The following FHIT variants were observed in gnomAD, a reference collection of about 807,000 sequenced individuals.
FHIT encodes the protein bis(5'-adenosyl)-triphosphatase.
In FHIT, 19 loss-of-function variants were observed where a neutral mutation model predicts 17.9. That is an observed-to-expected ratio of 1.06 (90% confidence interval 0.74 to 1.56). FHIT has a LOEUF of 1.56. Among genes scored for constraint, FHIT ranks in the 40% most tolerant of loss-of-function variants. FHIT has a pLI of 0.00. For synonymous variants in FHIT, 81 were observed against 69.7 expected, an observed-to-expected ratio of 1.16 and a Z score of -0.81; for missense variants, 248 against 189.2, an observed-to-expected ratio of 1.31 and a Z score of -1.82.
intron 3 of FHIT, among the ~76,000 whole-genome samples, chr3:61,037,838 A>G (rs1462713012): frequency 1.3e-5 from 2 of 152,226 alleles, no homozygotes; most frequent in Non-Finnish European, 2.9e-5. Flanking sequence ...CATGAGACAA[A>G]TACATTTCTA....
chr3:60,515,650 G>A lies in FHIT; in HGVS notation c.103+21210C>T, dbSNP rs185028473. Among the ~76,000 whole-genome samples the A allele has an allele frequency of 9.6e-4, 145 of 151,624 alleles. 1 individual carries two copies. The highest frequency in any genetic ancestry group is 3.3e-3 in the African/African-American group (138 of 41,348). The stretch of plus-strand genomic sequence containing the variant: ...CTTGTAGAACACAAAAATCACATTA[G>A]ACTCTTCTATAATTCTCATAACAAT... On this transcript the variant is annotated intron_variant, in intron 5 of 9. Transcript: ENST00000492590.
At chr3:61,080,589 G>A (rs908114713) in intron 2 of FHIT, among the ~76,000 whole-genome samples, 2 of 152,164 alleles carry the variant, frequency 1.3e-5, no homozygotes, top group African/African-American at 4.8e-5. Flanking sequence ...GTGCACTAAT[G>A]AGTACATTTA....
At chr3:60,860,211 T>C (rs1559778310) in intron 3 of FHIT, among the ~76,000 whole-genome samples, 1 of 129,338 alleles carries the variant, frequency 7.7e-6, no homozygotes, top group East Asian at 2.1e-4. Flanking sequence ...GTATATATGG[T>C]ATACATGAGA....
intron 3 of FHIT, among the ~76,000 whole-genome samples, chr3:61,040,400 A>C (rs2033450791): frequency 6.6e-6 from 1 of 152,238 alleles, no homozygotes; most frequent in East Asian, 1.9e-4. Context: ...AAAATGGATA[A>C]GGTGATAGGC....
At chr3:60,661,073 T>C (rs1266653016) in intron 4 of FHIT, among the ~76,000 whole-genome samples, 2 of 152,182 alleles carry the variant, frequency 1.3e-5, no homozygotes, top group African/African-American at 2.4e-5. Flanking sequence ...TTTATTTCTA[T>C]AGGTTTTGGA....
At chr3:60,093,063 G>C (rs1310226260) in intron 5 of FHIT, among the ~76,000 whole-genome samples, 34 of 152,266 alleles carry the variant, frequency 2.2e-4, no homozygotes, top group Non-Finnish European at 1.5e-5. Flanking sequence ...CAACGCATCA[G>C]TTTCCTATGG....
chr3:61,034,721 T>G (rs978141475), intron 3 of FHIT, among the ~76,000 whole-genome samples: 12 of 152,302 alleles, frequency 7.9e-5, no homozygotes, highest in East Asian at 1.9e-4. Context: ...AAAATAGTTT[T>G]GTAGTTTCTC....
chr3:60,721,679 T>C (rs1372168811), intron 4 of FHIT, among the ~76,000 whole-genome samples: 2 of 152,180 alleles, frequency 1.3e-5, no homozygotes, highest in Non-Finnish European at 2.9e-5. Flanking sequence ...TTTAAAATCA[T>C]ACACTGGCAT....
At chr3:60,397,967 C>G (rs2734354) in intron 5 of FHIT, among the ~76,000 whole-genome samples, 63,077 of 151,918 alleles carry the variant, frequency 0.42, 13,847 homozygotes, top group East Asian at 0.68. Flanking sequence ...AAAGCCACAG[C>G]CTCAGCCATA....
chr3:60,161,583 G>A (rs1018135744), intron 5 of FHIT, among the ~76,000 whole-genome samples: 2 of 152,206 alleles, frequency 1.3e-5, no homozygotes, highest in Admixed American at 6.5e-5. Flanking sequence ...GAAAAACAAA[G>A]GAGTGTGCTT....
intron 5 of FHIT, among the ~76,000 whole-genome samples, chr3:60,360,594 T>C (rs1699867064): frequency 6.6e-6 from 1 of 152,182 alleles, no homozygotes; most frequent in African/African-American, 2.4e-5. Context: ...AGGGCAACAA[T>C]AGCTATCCTA....
chr3:60,252,758 A>G (rs1007957455), intron 5 of FHIT, among the ~76,000 whole-genome samples: 2 of 152,042 alleles, frequency 1.3e-5, no homozygotes, highest in Non-Finnish European at 2.9e-5. Flanking sequence ...TGGGAGGCCG[A>G]GGCCGGTGGA....
chr3:60,422,863 T>C (rs1478866113), intron 5 of FHIT, among the ~76,000 whole-genome samples: 1 of 152,130 alleles, frequency 6.6e-6, no homozygotes, highest in Non-Finnish European at 1.5e-5. Context: ...TAAATGGTTC[T>C]ATGCCAGGGC....
At chr3:60,560,762 T>C (rs777684398) in intron 4 of FHIT, among the ~76,000 whole-genome samples, 5 of 150,788 alleles carry the variant, frequency 3.3e-5, no homozygotes, top group Non-Finnish European at 4.4e-5. Flanking sequence ...TGGCATGTTG[T>C]CACCAGGCAA....
At chr3:60,362,875 G>A (rs1218773637) in intron 5 of FHIT, among the ~76,000 whole-genome samples, 1 of 152,156 alleles carries the variant, frequency 6.6e-6, no homozygotes, top group African/African-American at 2.4e-5. Context: ...GGGCAAAAAG[G>A]CCCGTGTCAG....
At chr3:60,171,432 T>C (rs939749425) in intron 5 of FHIT, among the ~76,000 whole-genome samples, 6 of 152,148 alleles carry the variant, frequency 3.9e-5, no homozygotes, top group African/African-American at 1.4e-4. Flanking sequence ...TAGTGACTCC[T>C]ATCAAAGCAA....
At chr3:61,121,297 T>C (rs1398048192) in intron 2 of FHIT, among the ~76,000 whole-genome samples, 1 of 152,212 alleles carries the variant, frequency 6.6e-6, no homozygotes, top group East Asian at 1.9e-4. Context: ...AATCGTCAGA[T>C]TCACCAAAGT....
chr3:60,541,877 A>T (rs2107608138), intron 4 of FHIT, among the ~76,000 whole-genome samples: 1 of 152,342 alleles, frequency 6.6e-6, no homozygotes. Flanking sequence ...GACTTAGCAC[A>T]GGCTCTACTT....
chr3:60,358,979 G>A (rs568733790), intron 5 of FHIT, among the ~76,000 whole-genome samples: 162 of 152,324 alleles, frequency 1.1e-3, no homozygotes, highest in South Asian at 9.5e-3. Context: ...TTGAGGGCTT[G>A]TAGTCTACTT....
Sources: gnomAD v4.1 joint callset for allele counts (sites outside exome capture counted in the v4.1 genomes callset) on GRCh38, gnomAD v4.1.1 for gene constraint, MANE v1.5 for transcripts, NCBI Gene and HGNC (gene_info 2026-07-23, HGNC 2026-07-21) for gene names.